KDM3A: variants seen among roughly 807,000 people sequenced by gnomAD.
The protein encoded by KDM3A is lysine demethylase 3A.
A neutral mutation model predicts 158.0 loss-of-function variants in KDM3A; 60 were observed. That is an observed-to-expected ratio of 0.38 (90% CI 0.31 to 0.47). The LOEUF (loss-of-function observed/expected upper bound fraction) is 0.47. KDM3A is among the 20% of genes least tolerant of loss of function. The probability of loss-of-function intolerance (pLI) is 0.99; values close to 1 mark genes in which losing one functional copy is unlikely to be tolerated. For synonymous variants in KDM3A, 608 were observed against 549.3 expected (o/e 1.11, Z -1.49); for missense variants, 1,319 against 1,574.3 (o/e 0.84, Z 2.74).
At chr2:86,476,613 T>C (rs559902317) in intron 12 of KDM3A, among the ~76,000 whole-genome samples, 14 of 152,220 alleles carry the variant, frequency 9.2e-5, no homozygotes, top group Non-Finnish European at 1.5e-4. Context: ...TATTCTGTCC[T>C]TTCAGTGACA....
rs1276212906 is a variant in KDM3A, at chr2:86,466,571, T to C, written c.1207T>C (p.Leu403=). ...PKTNTDQENR[L]ESVPQALTGL... is the part of the protein sequence containing the mutation. Reference sequence around the variant, plus strand: ...GACAAACACTGATCAGGAAAACAGATTGGAGTCTGTTCCACAAGCATTGAC... The same window carrying C: ...GACAAACACTGATCAGGAAAACAGACTGGAGTCTGTTCCACAAGCATTGAC... The change falls in exon 10 of 26, where the codon TTG becomes CTG. Residue 403 remains leucine (L), a synonymous_variant. Transcript: ENST00000312912. The C allele has an allele frequency of 1.1e-5, 17 of 1,613,706 alleles. No individual in the cohort carries two copies. The highest frequency in any genetic ancestry group is 9.3e-5 in the African/African-American group (7 of 74,882).
upstream of KDM3A, among the ~76,000 whole-genome samples, chr2:86,438,013 G>C (rs1483392714): frequency 6.6e-6 from 1 of 152,012 alleles, no homozygotes; most frequent in East Asian, 1.9e-4. Flanking sequence ...ATTGTAACTT[G>C]AATAGTAATG....
chr2:86,456,590 T>C, intron 6 of KDM3A, 24 bp downstream of exon 6: 3 of 1,594,134 alleles, frequency 1.9e-6, no homozygotes, highest in Non-Finnish European at 2.6e-6. Context: ...TAACTCTTTG[T>C]AAGATAACTC....
intron 2 of KDM3A, among the ~76,000 whole-genome samples, chr2:86,448,889 G>A (rs1683054974): frequency 6.6e-6 from 1 of 152,184 alleles, no homozygotes; most frequent in South Asian, 2.1e-4. Context: ...AGGACCTAGA[G>A]TAAGTTAAGG....
intron 4 of KDM3A, among the ~76,000 whole-genome samples, chr2:86,452,358 A>G (rs1024180651): frequency 6.6e-6 from 1 of 152,186 alleles, no homozygotes; most frequent in Non-Finnish European, 1.5e-5. Flanking sequence ...CATAAGCAGT[A>G]TATATTAAAT....
intron 4 of KDM3A, among the ~76,000 whole-genome samples, chr2:86,453,463 A>G (rs1275593336): frequency 6.6e-6 from 1 of 152,158 alleles, no homozygotes; most frequent in Non-Finnish European, 1.5e-5. Flanking sequence ...GTCCGTCTTT[A>G]GATTGAATTT....
At chr2:86,441,366 G>C (rs920620074), upstream of KDM3A, 2 of 152,316 alleles carry the variant, frequency 1.3e-5, no homozygotes, top group African/African-American at 4.8e-5. Flanking sequence ...GAGAGCTCTT[G>C]AACCAAGTCA....
chr2:86,479,092 A>C (rs1673803449), intron 15 of KDM3A: 1 of 160,038 alleles, frequency 6.2e-6, no homozygotes, highest in African/African-American at 2.4e-5. Flanking sequence ...GATAAGCTTT[A>C]ACATTTTTAA....
chr2:86,480,092 A>G lies in KDM3A; in HGVS notation c.2317-75A>G, dbSNP rs546298110. ...TATTTATCTTACTTGTTGGTCGGCT[A>G]TTAGGAGAGAAGAAAAGAAAAGGAA... is the stretch of plus-strand genomic sequence containing the variant. On this transcript the variant is annotated intron_variant, in intron 15 of 25. Coordinates refer to ENST00000312912, the MANE Select transcript of KDM3A (RefSeq NM_018433.6). The G allele has an allele frequency of 1.1e-5, 13 of 1,158,322 alleles. 1 individual carries two copies. The South Asian group carries it at 1.2e-4, about 11-fold the overall frequency. 71.8% of individuals were successfully genotyped at this position (1,158,322 alleles called of 1,614,324 possible).
chr2:86,487,091 CTT>C (rs2104710515), intron 21 of KDM3A: 1 of 152,292 alleles, frequency 6.6e-6, no homozygotes, highest in Non-Finnish European at 1.5e-5. Context: ...CTTGGGCAAA[CTT>C]AAGTATATAA....
chr2:86,485,986 AT>A, intron 21 of KDM3A, 127 bp downstream of exon 21: 1 of 942,574 alleles, frequency 1.1e-6, no homozygotes, highest in East Asian at 2.7e-5. Context: ...CACAGCTTTC[AT>A]TTTTACATAT....
At chr2:86,444,238 C>G (rs1682862662) in intron 2 of KDM3A, among the ~76,000 whole-genome samples, 1 of 152,196 alleles carries the variant, frequency 6.6e-6, no homozygotes, top group African/African-American at 2.4e-5. Flanking sequence ...AGGGAGGCTG[C>G]GAATCCAGAT....
At chr2:86,463,442 A>G (rs1673006301) in intron 8 of KDM3A, among the ~76,000 whole-genome samples, 1 of 152,132 alleles carries the variant, frequency 6.6e-6, no homozygotes, top group Admixed American at 6.6e-5. Flanking sequence ...AAGTTACCTG[A>G]AAAGGGAACT....
In KDM3A at chr2:86,474,903, G is replaced by A. The variant is rs573081255; in HGVS notation, c.1852G>A (p.Ala618Thr). 21 of 1,614,076 alleles carry A rather than the reference G, an allele frequency of 1.3e-5. No individual in the cohort carries two copies. Among genetic ancestry groups the A allele is most frequent in the African/African-American group, 2.7e-5 (2 of 75,016 alleles). The change falls in exon 12 of 26, where the codon GCA becomes ACA. Residue 618 changes from alanine (A) to threonine (T), a missense_variant. By Grantham distance (58) the Ala-to-Thr change is moderately conservative. Transcript: ENST00000312912. Reference sequence around the variant, plus strand: ...CGTTGTGGGGATTGATTTGGACACAGCAAAGTACATCTTGGCCAACATTGG... The same window carrying A: ...CGTTGTGGGGATTGATTTGGACACAACAAAGTACATCTTGGCCAACATTGG... ...KNVVGIDLDT[A>T]KYILANIGDH...
At position 86,478,709 on chromosome 2, in the gene KDM3A, C is replaced by G. The variant is rs746004505; in HGVS notation, c.2290C>G (p.Pro764Ala). Residue 764 changes from proline to alanine, a missense_variant, in exon 15 of 26, where the codon CCA becomes GCA. Physicochemically the swap from Pro to Ala is conservative, Grantham distance 27 (BLOSUM62 -1). Coordinates refer to ENST00000312912, the MANE Select transcript of KDM3A (RefSeq NM_018433.6). ...CAGGCAATTCAAACTCTTTTCAAAG[C>G]CAGCCTCAAAGGAAGACCTAAAACA... Reference protein sequence around the residue: ...SNRQFKLFSKPASKEDLKQTS... With the variant: ...SNRQFKLFSKAASKEDLKQTS... The G allele has an allele frequency of 6.2e-6, 10 of 1,613,842 alleles. 1 individual carries two copies. The South Asian group carries it at 1.1e-4, about 18-fold the overall frequency.
chr2:86,444,246 G>A lies in KDM3A; in HGVS notation c.186+2013G>A, dbSNP rs779474276. ...GCTGCGGAGGGAGGCTGCGAATCCA[G>A]ATTGGGCCCAGTGTCTTCTCCACTG... On this transcript the variant is annotated intron_variant, in intron 2 of 25. Coordinates refer to ENST00000312912, the MANE Select transcript of KDM3A (RefSeq NM_018433.6). Among the ~76,000 whole-genome samples, 23 of 152,224 alleles carry A rather than the reference G, an allele frequency of 1.5e-4. No individual in the cohort carries two copies. The East Asian group carries it at 4.2e-3, about 28-fold the overall frequency.
In KDM3A at chr2:86,449,959, A is replaced by G. The variant is rs1279162817; in HGVS notation, c.339A>G (p.Ala113=). Residue 113 remains alanine (A), a synonymous_variant, in exon 3 of 26, where the codon GCA becomes GCG. Coordinates refer to ENST00000312912, the MANE Select transcript of KDM3A (RefSeq NM_018433.6). The stretch of plus-strand genomic sequence containing the variant: ...CTGAACGAATTGTACAGTGGCCTGC[A>G]ATAGTGAGTAAAACTTGGGCTTATT... ...EISERIVQWP[A]ITYKPLLDKA... 1 of 1,608,722 alleles carries G rather than the reference A, an allele frequency of 6.2e-7. No homozygotes were observed. Among genetic ancestry groups the G allele is most frequent in the African/African-American group, 1.3e-5 (1 of 74,554 alleles).
chr2:86,462,505 A>C (rs1159048342), intron 8 of KDM3A, among the ~76,000 whole-genome samples: 1 of 152,190 alleles, frequency 6.6e-6, no homozygotes, highest in African/African-American at 2.4e-5. Context: ...AAATTTCCTC[A>C]TTTAAAGGAT....
chr2:86,470,187 A>C lies in KDM3A; in HGVS notation c.1520-17A>C. The stretch of plus-strand genomic sequence containing the variant: ...AAAAATTTGAGGTCCTGTCTCCTTA[A>C]TCTTTTGTTTTCCTAGCCCCATCCA... On this transcript the variant is annotated splice_polypyrimidine_tract_variant and intron_variant, in intron 10 of 25. Coordinates refer to ENST00000312912, the MANE Select transcript of KDM3A (RefSeq NM_018433.6). 1 of 1,612,216 alleles carries C rather than the reference A, an allele frequency of 6.2e-7. No homozygotes were observed. The highest frequency in any genetic ancestry group is 8.5e-7 in the Non-Finnish European group (1 of 1,178,770).
Sources: allele counts gnomAD v4.1 joint callset (sites outside exome capture counted in the v4.1 genomes callset), GRCh38; gene constraint gnomAD v4.1.1; transcripts MANE v1.5; gene names NCBI Gene and HGNC (gene_info 2026-07-23, HGNC 2026-07-21).